The following TMCO5A variants were observed in gnomAD, a reference collection of about 807,000 sequenced individuals.
TMCO5A encodes the protein transmembrane and coiled-coil domain-containing protein 5A.
TMCO5A carries 34 observed loss-of-function variants against 42.3 expected under a neutral mutation model. That is an observed-to-expected ratio of 0.80 (90% CI 0.61 to 1.07). TMCO5A has a LOEUF of 1.07. Ranked by LOEUF, TMCO5A falls within the 50% of genes least tolerant of loss-of-function variation. The pLI is 0.00. For synonymous variants in TMCO5A, 131 were observed against 115.6 expected, an observed-to-expected ratio of 1.13 and a Z score of -0.86; for missense variants, 357 against 327.9, an observed-to-expected ratio of 1.09 and a Z score of -0.69.
At chr15:38,024,520 T>C in the TMCO5A span, among the ~76,000 whole-genome samples, 2 of 152,158 alleles carry the variant, frequency 1.3e-5, no homozygotes, top group Non-Finnish European at 2.9e-5. Flanking sequence ...TCAGCATAGA[T>C]GTGGGGGTTG....
chr15:37,947,342 C>G (rs1890001111), intron 10 of TMCO5A, among the ~76,000 whole-genome samples: 1 of 151,990 alleles, frequency 6.6e-6, no homozygotes. Context: ...GTTGAGAGAG[C>G]CAAGAATGTG....
the TMCO5A span, among the ~76,000 whole-genome samples, chr15:38,032,689 G>A: frequency 1.1e-3 from 162 of 152,314 alleles, 1 homozygote; most frequent in Admixed American, 3.2e-3. Flanking sequence ...TACAGCAGAG[G>A]CCATGTCCAT....
chr15:37,963,433 A>G (rs1890481360), intron 11 of TMCO5A, among the ~76,000 whole-genome samples: 1 of 151,892 alleles, frequency 6.6e-6, no homozygotes, highest in East Asian at 1.9e-4. Context: ...TATAATTTCA[A>G]TTTTCTTAAA....
At chr15:38,010,383 CAAAAAAA>C in the TMCO5A span, among the ~76,000 whole-genome samples, 12 of 40,320 alleles carry the variant, frequency 3.0e-4, no homozygotes, top group African/African-American at 5.6e-4. Flanking sequence ...ACTCCGTCTC[CAAAAAAA>C]AAAAAAAAAA....
At chr15:38,025,559 A>C in the TMCO5A span, among the ~76,000 whole-genome samples, 4 of 152,174 alleles carry the variant, frequency 2.6e-5, no homozygotes, top group African/African-American at 9.7e-5. Context: ...GCAACAGTTT[A>C]ATATTTAAAA....
chr15:37,940,974 G>A (rs567036855), intron 6 of TMCO5A, among the ~76,000 whole-genome samples, 175 bp from the exon 7 acceptor site: 4 of 152,196 alleles, frequency 2.6e-5, no homozygotes, highest in Non-Finnish European at 4.4e-5. Flanking sequence ...ATATAAAAGA[G>A]CAAGTTTACC....
the TMCO5A span, among the ~76,000 whole-genome samples, chr15:37,988,635 G>A: frequency 3.3e-5 from 5 of 151,984 alleles, no homozygotes; most frequent in Non-Finnish European, 5.9e-5. Context: ...TTCTGTTAAT[G>A]TGGTGTATTA....
Position 37,942,173 on chromosome 15 carries a change from C to CT in TMCO5A, c.505-15dup, listed in dbSNP as rs769105356. On this transcript the variant is annotated splice_polypyrimidine_tract_variant and intron_variant, in intron 8 of 11. Transcript: ENST00000319669. ...CCTTCTAAGTAGTAACTGTGGCTTT[C>CT]TTTGTTTCTCTTTGAAGAAGTACCA... The CT allele has an allele frequency of 2.9e-5, 47 of 1,610,682 alleles. No homozygotes were observed. The highest frequency in any genetic ancestry group is 3.5e-5 in the Non-Finnish European group (41 of 1,178,320).
At chr15:38,038,423 G>A in the TMCO5A span, among the ~76,000 whole-genome samples, 222 of 74,190 alleles carry the variant, frequency 3.0e-3, no homozygotes, top group African/African-American at 0.011. Flanking sequence ...TTTTTTTTTT[G>A]AGACGGAGTC....
At chr15:37,989,399 G>GT in the TMCO5A span, among the ~76,000 whole-genome samples, 1 of 151,774 alleles carries the variant, frequency 6.6e-6, no homozygotes, top group Non-Finnish European at 1.5e-5. Flanking sequence ...CATTTAAGTA[G>GT]TTTATTTGAG....
chr15:37,943,332 T>A lies in TMCO5A; in HGVS notation c.570-9T>A, dbSNP rs376092408. The A allele has an allele frequency of 6.2e-7, 1 of 1,611,886 alleles. No individual in the cohort carries two copies. The highest frequency in any genetic ancestry group is 8.5e-7 in the Non-Finnish European group (1 of 1,178,930). ...TGTTCAATTTCTGTCCTGGCTGTTA[T>A]CTTCATAGATCAAAACTCGTGAGCA... On this transcript the variant is annotated splice_polypyrimidine_tract_variant and intron_variant, in intron 9 of 11. Coordinates refer to ENST00000319669, the MANE Select transcript of TMCO5A (RefSeq NM_152453.4).
downstream of TMCO5A, among the ~76,000 whole-genome samples, chr15:37,971,895 C>G (rs1412559287): frequency 6.6e-6 from 1 of 152,218 alleles, no homozygotes; most frequent in African/African-American, 2.4e-5. Flanking sequence ...TGCCATTTAA[C>G]AAGTCTCTAG....
the TMCO5A span, among the ~76,000 whole-genome samples, chr15:37,996,214 C>A: frequency 6.6e-6 from 1 of 152,190 alleles, no homozygotes; most frequent in South Asian, 2.1e-4. Context: ...CACAGACCCT[C>A]ACTACGCCTT....
chr15:38,038,020 A>T, the TMCO5A span, among the ~76,000 whole-genome samples: 12 of 151,898 alleles, frequency 7.9e-5, no homozygotes, highest in African/African-American at 2.2e-4. Flanking sequence ...CTCAAAAAAA[A>T]AAAATAAAAA....
rs1889514653 is a variant in TMCO5A at position 37,936,447 on chromosome 15, GA to G, written c.126del (p.Asp43IlefsTer57). On this transcript the variant is annotated frameshift_variant, in exon 3 of 12. Transcript: ENST00000319669. LOFTEE classifies it high-confidence loss of function. The stretch of plus-strand genomic sequence containing the variant: ...ACTTCTTCTCAAAATCCAAGAGAGG[GA>G]AGATAAGATTCAGAGGTGAGTATTA... ...QKLLLKIQER[E>X]DKIQRLESEI... The G allele has an allele frequency of 1.2e-6, 2 of 1,612,612 alleles. No homozygotes were observed. The highest frequency in any genetic ancestry group is 1.7e-6 in the Non-Finnish European group (2 of 1,179,336).
chr15:37,949,735 ACT>A (rs1890093662), intron 11 of TMCO5A, among the ~76,000 whole-genome samples: 1 of 151,958 alleles, frequency 6.6e-6, no homozygotes, highest in African/African-American at 2.4e-5. Flanking sequence ...AATCTTCAAA[ACT>A]CTGTATTATT....
the TMCO5A span, among the ~76,000 whole-genome samples, chr15:38,023,745 T>A: frequency 6.6e-6 from 1 of 152,214 alleles, no homozygotes; most frequent in East Asian, 1.9e-4. Context: ...GATTGATCTC[T>A]ACCTCACACC....
chr15:37,963,547 C>A (rs1426566061), intron 11 of TMCO5A, among the ~76,000 whole-genome samples: 1 of 152,130 alleles, frequency 6.6e-6, no homozygotes, highest in Non-Finnish European at 1.5e-5. Flanking sequence ...ATAAAATGTT[C>A]TGTATGTATC....
chr15:37,987,433 C>G, the TMCO5A span, among the ~76,000 whole-genome samples: 2 of 151,736 alleles, frequency 1.3e-5, no homozygotes, highest in African/African-American at 4.8e-5. Flanking sequence ...GTTGCTTAGG[C>G]CTTTGGTGCT....
Sources: allele counts gnomAD v4.1 joint callset (sites outside exome capture counted in the v4.1 genomes callset), GRCh38; gene constraint gnomAD v4.1.1; transcripts MANE v1.5; gene names NCBI Gene and HGNC (gene_info 2026-07-23, HGNC 2026-07-21).